The following ZHX2 variants were observed in gnomAD, a reference collection of about 807,000 sequenced individuals.
ZHX2 encodes the protein zinc fingers and homeoboxes 2.
A neutral mutation model predicts 21.9 loss-of-function variants in ZHX2; 6 were observed. The observed-to-expected ratio is 0.27, with a 90% confidence interval of 0.15 to 0.54. The LOEUF is 0.54. ZHX2 is among the 20% of genes least tolerant of loss of function. The probability of loss-of-function intolerance (pLI) is 0.95; values close to 1 mark genes in which losing one functional copy is unlikely to be tolerated. For synonymous variants in ZHX2, 434 were observed against 437.1 expected, an observed-to-expected ratio of 0.99 and a Z score of 0.09; for missense variants, 908 against 1,090.7, an observed-to-expected ratio of 0.83 and a Z score of 2.36.
intron 1 of ZHX2, among the ~76,000 whole-genome samples, chr8:122,820,494 T>A (rs1378157483): frequency 2.6e-5 from 4 of 152,294 alleles, no homozygotes; most frequent in African/African-American, 9.6e-5. Flanking sequence ...GCTGTGTCTG[T>A]CACTGGAGAG....
At chr8:122,955,839 A>ATTTTTTTTTTTTTTTTTT (rs540333833) in intron 3 of ZHX2, among the ~76,000 whole-genome samples, 27 of 104,900 alleles carry the variant, frequency 2.6e-4, no homozygotes, top group Non-Finnish European at 4.0e-4. Context: ...TGAGGGAGTG[A>ATTTTTTTTTTTTTTTTTT]TTTTTTTTTT....
intron 1 of ZHX2, among the ~76,000 whole-genome samples, chr8:122,852,734 C>T (rs970580588): frequency 2.6e-5 from 4 of 152,060 alleles, no homozygotes; most frequent in South Asian, 2.1e-4. Flanking sequence ...TGGGACGAGA[C>T]GGGGCAGAGC....
chr8:122,843,990 C>CACACACACACACAT (rs1818696409), intron 1 of ZHX2, among the ~76,000 whole-genome samples: 1 of 143,686 alleles, frequency 7.0e-6, no homozygotes, highest in Non-Finnish European at 1.5e-5. Context: ...CACACACACA[C>CACACACACACACAT]ATCATGCTTC....
At chr8:122,811,281 T>C (rs1345194009) in intron 1 of ZHX2, among the ~76,000 whole-genome samples, 1 of 151,964 alleles carries the variant, frequency 6.6e-6, no homozygotes, top group Non-Finnish European at 1.5e-5. Flanking sequence ...CTAGGGAGGC[T>C]GAGGTGGGAA....
At chr8:122,880,229 C>G (rs1295436332) in intron 2 of ZHX2, among the ~76,000 whole-genome samples, 1 of 152,016 alleles carries the variant, frequency 6.6e-6, no homozygotes, top group Admixed American at 6.6e-5. Flanking sequence ...CCGCCTCAGC[C>G]TCCCAAAGTG....
At chr8:122,809,716 T>A (rs1817888950) in intron 1 of ZHX2, among the ~76,000 whole-genome samples, 2 of 151,946 alleles carry the variant, frequency 1.3e-5, no homozygotes, top group African/African-American at 4.8e-5. Flanking sequence ...GGGCCTGAAG[T>A]GTAAGAGCAG....
At chr8:122,794,394 G>A (rs565661242) in intron 1 of ZHX2, among the ~76,000 whole-genome samples, 88 of 151,494 alleles carry the variant, frequency 5.8e-4, no homozygotes, top group Non-Finnish European at 1.1e-3. Flanking sequence ...TACCAAATTT[G>A]TTCATGTTTC....
chr8:122,849,992 C>T (rs1818849717), intron 1 of ZHX2, among the ~76,000 whole-genome samples: 1 of 152,204 alleles, frequency 6.6e-6, no homozygotes, highest in South Asian at 2.1e-4. Flanking sequence ...CATTGAGAGG[C>T]TTCCCAAACT....
At chr8:122,878,549 A>C (rs1225171468) in intron 2 of ZHX2, among the ~76,000 whole-genome samples, 2 of 152,148 alleles carry the variant, frequency 1.3e-5, no homozygotes, top group Admixed American at 6.5e-5. Flanking sequence ...ATTTCATGGG[A>C]GTGGCAGAGG....
chr8:122,951,344 C>A lies in ZHX2; in HGVS notation c.-167C>A. 1.6e-6 allele frequency: 1 copy of A among 636,784 alleles called. No individual in the cohort carries two copies. Among genetic ancestry groups the A allele is most frequent in the Admixed American group, 3.0e-5 (1 of 33,802 alleles). 39.4% of individuals were successfully genotyped at this position (636,784 alleles called of 1,614,324 possible). Reference sequence around the variant, plus strand: ...GTTGGTGCCATTCCAATTTTCTGTGCTGAAATCATTCTGAAAACTCAAACA... The same window carrying A: ...GTTGGTGCCATTCCAATTTTCTGTGATGAAATCATTCTGAAAACTCAAACA... On this transcript the variant is annotated 5_prime_UTR_variant, in exon 3 of 4. In the 5' UTR this introduces an upstream ATG that the reference lacks. Coordinates refer to ENST00000314393, the MANE Select transcript of ZHX2 (RefSeq NM_014943.5).
chr8:122,818,384 T>C (rs961306988), intron 1 of ZHX2, among the ~76,000 whole-genome samples: 1 of 152,024 alleles, frequency 6.6e-6, no homozygotes, highest in Non-Finnish European at 1.5e-5. Context: ...AATATGACCA[T>C]GTTTCATCCC....
At position 122,782,909 on chromosome 8, in the gene ZHX2, T is replaced by C. The variant is rs934196718; in HGVS notation, c.-283+963T>C. 5.9e-5 allele frequency among the ~76,000 whole-genome samples: 9 copies of C among 152,212 alleles called. No homozygotes were observed. The highest frequency in any genetic ancestry group is 2.2e-4 in the African/African-American group (9 of 41,466). On this transcript the variant is annotated intron_variant, in intron 1 of 3. Coordinates refer to ENST00000314393, the MANE Select transcript of ZHX2 (RefSeq NM_014943.5). The surrounding 1 kb of genome is among the most constrained non-coding windows in gnomAD (Gnocchi z 5.3). ...AGCTTCTTTGTGGCTTCCCCAGGAC[T>C]TGTATCCTCGGCTTTGCAAACTTGC...
chr8:122,817,813 A>T (rs1818066020), intron 1 of ZHX2, among the ~76,000 whole-genome samples: 1 of 152,042 alleles, frequency 6.6e-6, no homozygotes, highest in Admixed American at 6.5e-5. Context: ...CTTTCCTGTA[A>T]CTGCTGGGCA....
chr8:122,852,793 G>A (rs1818932356), intron 1 of ZHX2, among the ~76,000 whole-genome samples: 1 of 152,212 alleles, frequency 6.6e-6, no homozygotes, highest in African/African-American at 2.4e-5. Context: ...TTTCTGTCTG[G>A]TTCTTGCTTG....
chr8:122,899,191 A>AT (rs950397104), intron 2 of ZHX2, among the ~76,000 whole-genome samples: 3 of 151,682 alleles, frequency 2.0e-5, no homozygotes, highest in African/African-American at 2.4e-5. Flanking sequence ...TGCATTTTCT[A>AT]TTTTTTTTCT....
In ZHX2 at chr8:122,953,970, G is replaced by A. The variant is rs773728391; in HGVS notation, c.2460G>A (p.Ser820=). ...GTCAGGCTGCGGCAGAAGGTGTGTC[G>A]GAACTGGCTGAATCAGACTCCGACT... The part of the protein sequence containing the change: ...SWSQAAAEGV[S]ELAESDSDCV... Residue 820 remains serine (S), a synonymous_variant, in exon 3 of 4, where the codon TCG becomes TCA. Transcript: ENST00000314393. This position sits in a 1 kb window ranked among gnomAD's most constrained non-coding sequence, Gnocchi z 4.6. 2.2e-5 allele frequency: 36 copies of A among 1,613,298 alleles called. No individual in the cohort carries two copies. The highest frequency in any genetic ancestry group is 4.5e-5 in the East Asian group (2 of 44,864).
At chr8:122,784,164 A>C (rs1817349260) in intron 1 of ZHX2, among the ~76,000 whole-genome samples, 1 of 152,212 alleles carries the variant, frequency 6.6e-6, no homozygotes, top group Admixed American at 6.5e-5. Flanking sequence ...AGGTGGCCCC[A>C]CCCGGCGTTT....
At chr8:122,916,228 G>C (rs187842500) in intron 2 of ZHX2, among the ~76,000 whole-genome samples, 11 of 152,314 alleles carry the variant, frequency 7.2e-5, no homozygotes, top group Non-Finnish European at 1.2e-4. Flanking sequence ...GACTGGCAAC[G>C]AGGCGAGAAC....
chr8:122,811,419 C>G (rs1406321099), intron 1 of ZHX2, among the ~76,000 whole-genome samples: 1 of 152,136 alleles, frequency 6.6e-6, no homozygotes, highest in African/African-American at 2.4e-5. Flanking sequence ...TACTTTGTTA[C>G]TGATAGAACC....
Sources: gnomAD v4.1 joint callset for allele counts (sites outside exome capture counted in the v4.1 genomes callset) on GRCh38, gnomAD v4.1.1 for gene constraint, Gnocchi (gnomAD v3.1) non-coding constraint, MANE v1.5 for transcripts, NCBI Gene and HGNC (gene_info 2026-07-23, HGNC 2026-07-21) for gene names.